Variants in TMEM92 observed in about 807,000 individuals in gnomAD.
TMEM92 encodes transmembrane protein 92.
A neutral mutation model predicts 14.6 loss-of-function variants in TMEM92; 15 were observed. The observed-to-expected ratio is 1.03, with a 90% CI of 0.69 to 1.58. The LOEUF is 1.58. Among genes scored for constraint, TMEM92 ranks in the 40% most tolerant of loss-of-function variants. TMEM92 has a pLI of 0.00. For synonymous variants in TMEM92, 85 were observed against 83.3 expected (o/e 1.02, Z -0.11); for missense variants, 174 against 202.4 (o/e 0.86, Z 0.85).
upstream of TMEM92, among the ~76,000 whole-genome samples, chr17:50,273,535 T>A (rs921449948): frequency 3.3e-5 from 5 of 152,232 alleles, no homozygotes; most frequent in Non-Finnish European, 7.3e-5. Context: ...GGGCCTTGAG[T>A]TCCCGTTTTG....
At chr17:50,277,060 G>T (rs548555009) in intron 1 of TMEM92, among the ~76,000 whole-genome samples, 17 of 152,170 alleles carry the variant, frequency 1.1e-4, no homozygotes, top group Non-Finnish European at 2.4e-4. Flanking sequence ...TGCAGACCTG[G>T]TACAGAAGAG....
At position 50,279,326 on chromosome 17, in the gene TMEM92, A is replaced by T. The variant is rs1183909403; in HGVS notation, c.*18A>T. The T allele has an allele frequency of 1.4e-5, 22 of 1,609,022 alleles. No homozygotes were observed. The highest frequency in any genetic ancestry group is 1.9e-5 in the Non-Finnish European group (22 of 1,175,546). ...CCTTCTGAGTCACCTCCTGCCTGGA[A>T]TCTTGCCATCAGCAACCTCCTCCCC... On this transcript the variant is annotated 3_prime_UTR_variant, in exon 5 of 5. Transcript: ENST00000507382.
chr17:50,272,030 T>C (rs1220979306), upstream of TMEM92, among the ~76,000 whole-genome samples: 1 of 151,954 alleles, frequency 6.6e-6, no homozygotes, highest in Non-Finnish European at 1.5e-5. Context: ...AAAATATATA[T>C]ATATTGCATG....
chr17:50,272,631 A>T (rs746977111), upstream of TMEM92, among the ~76,000 whole-genome samples: 1 of 152,194 alleles, frequency 6.6e-6, no homozygotes, highest in Non-Finnish European at 1.5e-5. Flanking sequence ...GCCAGATCCC[A>T]ATACCCCTCG....
At chr17:50,277,815 G>A (rs981041281) in intron 2 of TMEM92, 75 bp downstream of exon 2, 7 of 1,590,768 alleles carry the variant, frequency 4.4e-6, no homozygotes, top group African/African-American at 2.7e-5. Context: ...CATGCCTTGG[G>A]GGGTGTGGGA....
Position 50,278,858 on chromosome 17 carries a change from T to C in TMEM92, c.228T>C (p.Ala76=). ...ILSVFCICGL[A]KCFCRNCREP... is the part of the protein sequence containing the mutation. The stretch of plus-strand genomic sequence containing the variant: ...CCGTCTTTTGCATCTGTGGCCTGGC[T>C]AAGTGCTTCTGTCGCAACTGCAGAG... Residue 76 remains alanine (A), a synonymous_variant, in exon 4 of 5, where the codon GCT becomes GCC. Coordinates refer to ENST00000507382, the MANE Select transcript of TMEM92 (RefSeq NM_153229.3). 3 of 1,613,666 alleles carry C rather than the reference T, an allele frequency of 1.9e-6. No individual in the cohort carries two copies. The highest frequency in any genetic ancestry group is 2.5e-6 in the Non-Finnish European group (3 of 1,179,824).
Position 50,279,628 on chromosome 17 carries a change from G to A in TMEM92, c.*320G>A. On this transcript the variant is annotated 3_prime_UTR_variant, in exon 5 of 5. Coordinates refer to ENST00000507382, the MANE Select transcript of TMEM92 (RefSeq NM_153229.3). Reference sequence around the variant, plus strand: ...GGGTAGTAAGAGCCCCATTTCTGGAGGTATGCAAATCTTGACTGGACAGCC... The same window carrying A: ...GGGTAGTAAGAGCCCCATTTCTGGAAGTATGCAAATCTTGACTGGACAGCC... The A allele has an allele frequency of 6.0e-6, 2 of 334,250 alleles. No individual in the cohort carries two copies. The highest frequency in any genetic ancestry group is 5.3e-5 in the South Asian group (2 of 37,974). 20.7% of individuals were successfully genotyped at this position (334,250 alleles called of 1,614,324 possible).
upstream of TMEM92, among the ~76,000 whole-genome samples, chr17:50,273,466 C>T (rs1022358507): frequency 2.0e-5 from 3 of 152,250 alleles, no homozygotes; most frequent in Non-Finnish European, 2.9e-5. Flanking sequence ...CGCCCGCGCC[C>T]CGGCGGGCCT....
intron 2 of TMEM92, 57 bp downstream of exon 2, chr17:50,277,797 A>C: frequency 6.2e-7 from 1 of 1,602,910 alleles, no homozygotes; most frequent in Non-Finnish European, 8.5e-7. Context: ...AACCTAAATC[A>C]TGCCCTGCAT....
At position 50,279,556 on chromosome 17, in the gene TMEM92, A is replaced by C. The variant is rs546809826; in HGVS notation, c.*248A>C. ...CCAAGAAAGAGGCTGCCGGAAAGAA[A>C]ATGCTGACCATTGGAGGTGCCCAAC... On this transcript the variant is annotated 3_prime_UTR_variant, in exon 5 of 5. Coordinates refer to ENST00000507382, the MANE Select transcript of TMEM92 (RefSeq NM_153229.3). The C allele has an allele frequency of 2.4e-5, 11 of 464,398 alleles. No homozygotes were observed. The East Asian group carries it at 4.9e-4, about 21-fold the overall frequency. The allele number at this position is 464,398 out of a possible 1,614,324, so 28.8% of individuals were successfully genotyped here.
Position 50,281,196 on chromosome 17 carries a change from G to A in TMEM92, c.*1888G>A, listed in dbSNP as rs886481928. On this transcript the variant is annotated 3_prime_UTR_variant, in exon 5 of 5. Transcript: ENST00000507382. ...AATGGAAACCTCTGTGGCTCTTCTG[G>A]TCATCCTTGGTGGGAGTGGGAATGG... 8 of 152,114 alleles carry A rather than the reference G, an allele frequency of 5.3e-5. No homozygotes were observed. The highest frequency in any genetic ancestry group is 7.4e-5 in the Non-Finnish European group (5 of 67,994). The allele number at this position is 152,114 out of a possible 1,614,324, so 9.4% of individuals were successfully genotyped here.
chr17:50,277,955 G>A (rs2143051689), intron 2 of TMEM92, among the ~76,000 whole-genome samples: 1 of 152,250 alleles, frequency 6.6e-6, no homozygotes, highest in South Asian at 2.1e-4. Flanking sequence ...TTGCAGGCAG[G>A]TCTGTAGCTG....
chr17:50,272,784 G>A (rs1225489622), upstream of TMEM92, among the ~76,000 whole-genome samples: 1 of 152,060 alleles, frequency 6.6e-6, no homozygotes, highest in East Asian at 1.9e-4. Flanking sequence ...GACCAAACCA[G>A]GGACAAGGAG....
At chr17:50,275,207 C>T (rs1260534223) in intron 1 of TMEM92, among the ~76,000 whole-genome samples, 1 of 151,914 alleles carries the variant, frequency 6.6e-6, no homozygotes, top group African/African-American at 2.4e-5. Context: ...GAAAGCTGTC[C>T]GGTCCTGGGA....
chr17:50,273,176 G>A (rs761127040), upstream of TMEM92, among the ~76,000 whole-genome samples: 23 of 152,172 alleles, frequency 1.5e-4, no homozygotes, highest in Admixed American at 3.9e-4. Flanking sequence ...GGGCCAGGGA[G>A]CAGCGCCCCA....
At chr17:50,276,415 C>T (rs1910433872) in intron 1 of TMEM92, among the ~76,000 whole-genome samples, 1 of 152,212 alleles carries the variant, frequency 6.6e-6, no homozygotes, top group Non-Finnish European at 1.5e-5. Flanking sequence ...AGATGGTACT[C>T]AGCCTGGGAC....
intron 3 of TMEM92, 30 bp downstream of exon 3, chr17:50,278,660 A>G (rs752427925): frequency 2.5e-5 from 41 of 1,609,448 alleles, no homozygotes; most frequent in Non-Finnish European, 3.4e-5. Flanking sequence ...CTTTGGGTGC[A>G]GTCCTTGGAG....
chr17:50,274,669 T>A, intron 1 of TMEM92, 99 bp downstream of exon 1: 1 of 1,090,880 alleles, frequency 9.2e-7, no homozygotes, highest in Non-Finnish European at 1.3e-6. Flanking sequence ...GAATCAGGAT[T>A]TCCTCCTGAC....
At chr17:50,274,400 TC>T (rs1380273049), upstream of TMEM92, 73 of 1,231,754 alleles carry the variant, frequency 5.9e-5, no homozygotes, top group Non-Finnish European at 8.2e-5. Context: ...CCGGTGCAGC[TC>T]CGCCCCCATC....
Sources: allele counts gnomAD v4.1 joint callset (sites outside exome capture counted in the v4.1 genomes callset), GRCh38; gene constraint gnomAD v4.1.1; transcripts MANE v1.5; gene names NCBI Gene and HGNC (gene_info 2026-07-23, HGNC 2026-07-21).